Variants in LRMDA observed in about 807,000 individuals in gnomAD.
LRMDA encodes leucine-rich melanocyte differentiation-associated protein.
Under a neutral mutation model 29.8 loss-of-function variants are expected in LRMDA, and 18 were observed. That is an observed-to-expected ratio of 0.60 (90% confidence interval 0.42 to 0.90). LRMDA has a LOEUF of 0.90. Ranked by LOEUF, LRMDA falls within the 40% of genes least tolerant of loss-of-function variation. The pLI is 0.00. For synonymous variants in LRMDA, 125 were observed against 109.4 expected, an observed-to-expected ratio of 1.14 and a Z score of -0.89; for missense variants, 273 against 273.9, an observed-to-expected ratio of 1.00 and a Z score of 0.02.
At chr10:76,492,416 C>T (rs545725017) in intron 6 of LRMDA, among the ~76,000 whole-genome samples, 3 of 152,010 alleles carry the variant, frequency 2.0e-5, no homozygotes, top group Admixed American at 6.6e-5. Flanking sequence ...CACGCCAAAC[C>T]CATAACACTA....
chr10:75,933,453 G>GA (rs1846236946), intron 2 of LRMDA, among the ~76,000 whole-genome samples: 1 of 152,198 alleles, frequency 6.6e-6, no homozygotes, highest in African/African-American at 2.4e-5. Context: ...GTCTTTGCAT[G>GA]AAAAAGAAAT....
At chr10:76,179,293 T>C (rs955768278) in intron 5 of LRMDA, among the ~76,000 whole-genome samples, 1 of 152,080 alleles carries the variant, frequency 6.6e-6, no homozygotes, top group African/African-American at 2.4e-5. Context: ...CTCCCCACCT[T>C]GGACTTACAG....
At chr10:76,280,730 A>C (rs1840192425) in intron 5 of LRMDA, among the ~76,000 whole-genome samples, 4 of 152,146 alleles carry the variant, frequency 2.6e-5, no homozygotes, top group African/African-American at 9.7e-5. Flanking sequence ...GTAGTGTATC[A>C]AATGCCACCT....
chr10:76,506,521 C>T (rs958060047), intron 6 of LRMDA, among the ~76,000 whole-genome samples: 2 of 152,042 alleles, frequency 1.3e-5, no homozygotes, highest in African/African-American at 2.4e-5. Context: ...CATTTTTTCA[C>T]CAAAATTTGA....
At chr10:75,564,318 G>T (rs1329523410) in intron 2 of LRMDA, among the ~76,000 whole-genome samples, 3 of 152,198 alleles carry the variant, frequency 2.0e-5, no homozygotes, top group Non-Finnish European at 2.9e-5. Context: ...AGACTCTGTG[G>T]GCATAGGACC....
At chr10:75,754,412 G>A (rs762747009) in intron 2 of LRMDA, among the ~76,000 whole-genome samples, 4 of 152,202 alleles carry the variant, frequency 2.6e-5, no homozygotes, top group African/African-American at 4.8e-5. Context: ...GACAGGCTGA[G>A]CAGTGGATAT....
intron 6 of LRMDA, among the ~76,000 whole-genome samples, chr10:76,378,635 A>G (rs1045711446): frequency 2.6e-5 from 4 of 151,994 alleles, no homozygotes; most frequent in African/African-American, 9.7e-5. Context: ...GTCTATTGAG[A>G]TAATCATATG....
intron 2 of LRMDA, among the ~76,000 whole-genome samples, chr10:75,512,299 G>A (rs1044318203): frequency 6.6e-6 from 1 of 152,012 alleles, no homozygotes; most frequent in East Asian, 1.9e-4. Flanking sequence ...TCAGAACTGG[G>A]AAATTCCTGT....
At chr10:76,026,396 T>C (rs1223734813) in intron 2 of LRMDA, among the ~76,000 whole-genome samples, 1 of 152,218 alleles carries the variant, frequency 6.6e-6, no homozygotes, top group Non-Finnish European at 1.5e-5. Flanking sequence ...TTTACCTCTC[T>C]GGACATTAGT....
intron 2 of LRMDA, among the ~76,000 whole-genome samples, chr10:75,959,155 T>G (rs1462487006): frequency 2.0e-5 from 3 of 152,138 alleles, no homozygotes; most frequent in African/African-American, 7.2e-5. Context: ...GTTTGTTTCT[T>G]TGGGATCAAA....
At chr10:76,168,630 G>T (rs1850782108) in intron 5 of LRMDA, among the ~76,000 whole-genome samples, 1 of 151,984 alleles carries the variant, frequency 6.6e-6, no homozygotes, top group Non-Finnish European at 1.5e-5. Flanking sequence ...GGAAAGGAAA[G>T]GGGATGATGA....
At chr10:76,227,594 C>G (rs1851983753) in intron 5 of LRMDA, among the ~76,000 whole-genome samples, 2 of 152,130 alleles carry the variant, frequency 1.3e-5, no homozygotes, top group African/African-American at 4.8e-5. Flanking sequence ...ATTCTTTTAG[C>G]CAAATTGTAA....
At chr10:76,465,603 G>C (rs994003152) in intron 6 of LRMDA, among the ~76,000 whole-genome samples, 1 of 152,196 alleles carries the variant, frequency 6.6e-6, no homozygotes, top group Non-Finnish European at 1.5e-5. Context: ...ACCACTCCTG[G>C]ACACTAGCGT....
At chr10:75,947,845 T>C (rs1846503258) in intron 2 of LRMDA, among the ~76,000 whole-genome samples, 1 of 152,158 alleles carries the variant, frequency 6.6e-6, no homozygotes, top group African/African-American at 2.4e-5. Flanking sequence ...TCTCTCCCCT[T>C]TCTGCCTGTC....
chr10:75,980,479 G>A lies in LRMDA; in HGVS notation c.132-55529G>A, dbSNP rs545670777. Among the ~76,000 whole-genome samples, 21 of 152,346 alleles carry A rather than the reference G, an allele frequency of 1.4e-4. No homozygotes were observed. The South Asian group carries it at 3.7e-3, about 27-fold the overall frequency. ...GGGACAGTGACTTACAGTGGGTAAG[G>A]TTTGGTTGGGCCTCGTGAACTTGAT... On this transcript the variant is annotated intron_variant, in intron 2 of 6. Transcript: ENST00000611255.
chr10:76,556,439 C>T (rs1843558372), intron 6 of LRMDA: 1 of 152,146 alleles, frequency 6.6e-6, no homozygotes, highest in African/African-American at 2.4e-5. Context: ...GCAAGCTCCA[C>T]CTCCCGGGTT....
intron 2 of LRMDA, among the ~76,000 whole-genome samples, chr10:75,558,074 C>G (rs915078185): frequency 2.6e-5 from 4 of 151,942 alleles, no homozygotes; most frequent in African/African-American, 4.8e-5. Flanking sequence ...ACTCATGCCC[C>G]CTTACCCTCC....
At chr10:75,576,591 T>C (rs1417168640) in intron 2 of LRMDA, among the ~76,000 whole-genome samples, 1 of 152,142 alleles carries the variant, frequency 6.6e-6, no homozygotes, top group East Asian at 1.9e-4. Flanking sequence ...CACCTCCCAG[T>C]AGGGGCCAAA....
intron 2 of LRMDA, among the ~76,000 whole-genome samples, chr10:75,674,346 TTA>T (rs564479364): frequency 6.6e-6 from 1 of 151,918 alleles, no homozygotes; most frequent in Admixed American, 6.6e-5. Context: ...CAGTTGTTAT[TTA>T]TATATATATA....
Sources: gnomAD v4.1 joint callset for allele counts (sites outside exome capture counted in the v4.1 genomes callset) on GRCh38, gnomAD v4.1.1 for gene constraint, MANE v1.5 for transcripts, NCBI Gene and HGNC (gene_info 2026-07-23, HGNC 2026-07-21) for gene names.